The following HIVEP2 variants were observed in gnomAD, a reference collection of about 807,000 sequenced individuals.
HIVEP2 encodes HIVEP zinc finger 2, also known as transcription factor HIVEP2.
In HIVEP2, 14 loss-of-function variants were observed where a neutral mutation model predicts 180.7. That is an observed-to-expected ratio of 0.08 (90% CI 0.05 to 0.12). HIVEP2 has a LOEUF of 0.12. HIVEP2 is among the 10% of genes least tolerant of loss of function. HIVEP2 has a pLI of 1.00. For missense variants in HIVEP2, 2,579 were observed against 3,008.5 expected, an observed-to-expected ratio of 0.86 and a Z score of 3.34; for synonymous variants, 1,184 against 1,136.4, an observed-to-expected ratio of 1.04 and a Z score of -0.84.
intron 1 of HIVEP2, among the ~76,000 whole-genome samples, chr6:142,884,785 A>C (rs1378618345): frequency 6.6e-6 from 1 of 152,186 alleles, no homozygotes; most frequent in Non-Finnish European, 1.5e-5. Flanking sequence ...CACTACATCC[A>C]GTTCAGGAAC....
Position 142,773,859 on chromosome 6 carries a change from T to G in HIVEP2, c.880A>C (p.Lys294Gln), listed in dbSNP as rs1426985672. 1 of 1,613,662 alleles carries G rather than the reference T, an allele frequency of 6.2e-7. No individual in the cohort carries two copies. The highest frequency in any genetic ancestry group is 1.7e-5 in the Admixed American group (1 of 60,020). ...ESSLFAEASD[K>Q]MSPGPPIPLD... ...GGGATGGGTGGACCAGGACTCATTT[T>G]GTCAGAAGCCTCGGCAAATAAAGAA... is the stretch of plus-strand genomic sequence containing the variant. Residue 294 changes from lysine (K) to glutamine (Q), a missense_variant, in exon 5 of 10, where the codon AAA becomes CAA. Physicochemically the swap from Lys to Gln is moderately conservative, Grantham distance 53. Around this residue, in one of 11 missense-constraint regions of HIVEP2, gnomAD observed 142 missense variants for 135.2 expected, o/e 1.05. Coordinates refer to ENST00000367603, the MANE Select transcript of HIVEP2 (RefSeq NM_006734.4).
intron 5 of HIVEP2, 41 bp downstream of exon 5, chr6:142,769,511 A>C: frequency 3.2e-6 from 5 of 1,551,780 alleles, no homozygotes; most frequent in Non-Finnish European, 4.4e-6. Flanking sequence ...TCAGCAATCA[A>C]ATCCACAATA....
At chr6:142,841,539 G>A (rs1209962387) in intron 1 of HIVEP2, among the ~76,000 whole-genome samples, 4 of 151,924 alleles carry the variant, frequency 2.6e-5, no homozygotes, top group African/African-American at 7.2e-5. Context: ...TTTTTCAAAT[G>A]TTCATCGATA....
chr6:142,788,176 T>C (rs1034766693), intron 2 of HIVEP2: 1 of 152,238 alleles, frequency 6.6e-6, no homozygotes, highest in Non-Finnish European at 1.5e-5. Flanking sequence ...TATTCTATGA[T>C]ACTTTAAGAC....
chr6:142,825,222 T>G (rs1197919845), intron 2 of HIVEP2, among the ~76,000 whole-genome samples: 1 of 152,112 alleles, frequency 6.6e-6, no homozygotes, highest in Non-Finnish European at 1.5e-5. Context: ...TATGGGGTCT[T>G]GATTTTCATG....
intron 6 of HIVEP2, 146 bp downstream of exon 6, chr6:142,768,236 C>T (rs745646898): frequency 8.5e-5 from 58 of 681,376 alleles, no homozygotes; most frequent in Non-Finnish European, 1.2e-4. Context: ...TGATCTATTA[C>T]CAGCCAGAGT....
At chr6:142,913,170 CA>C (rs1777458409) in intron 1 of HIVEP2, among the ~76,000 whole-genome samples, 1 of 152,182 alleles carries the variant, frequency 6.6e-6, no homozygotes. Flanking sequence ...ATGAGCTTGT[CA>C]AAAAGTTGTA....
Position 142,753,236 on chromosome 6 carries a change from T to C in HIVEP2, c.7212A>G (p.Leu2404=), listed in dbSNP as rs898805472. ...TCTTGCTGTAAAACGTGGAGTGAGC[T>C]AATGGAGTCTGTGATGTACCAAAAT... ...KDNFGTSQTP[L]AHSTFYSKSC... Residue 2404 remains leucine, a synonymous_variant, in exon 10 of 10, where the codon TTA becomes TTG. Transcript: ENST00000367603. 3.1e-6 allele frequency: 5 copies of C among 1,614,076 alleles called. No homozygotes were observed. In the African/African-American group the frequency reaches 5.3e-5, roughly 17 times the overall value.
At chr6:142,756,271 G>A (rs1775066478) in intron 9 of HIVEP2, among the ~76,000 whole-genome samples, 1 of 152,158 alleles carries the variant, frequency 6.6e-6, no homozygotes, top group African/African-American at 2.4e-5. Flanking sequence ...CTCCTTGGGG[G>A]CAGCAGGGAG....
At chr6:142,762,022 C>G (rs1026551404) in intron 7 of HIVEP2, among the ~76,000 whole-genome samples, 2 of 152,174 alleles carry the variant, frequency 1.3e-5, no homozygotes, top group Admixed American at 1.3e-4. Flanking sequence ...TGTGACTGAT[C>G]AGGTACAGAG....
Position 142,770,021 on chromosome 6 carries a change from T to C in HIVEP2, c.4718A>G (p.Glu1573Gly). 1 of 1,614,152 alleles carries C rather than the reference T, an allele frequency of 6.2e-7. No individual in the cohort carries two copies. Among genetic ancestry groups the C allele is most frequent in the Non-Finnish European group, 8.5e-7 (1 of 1,180,034 alleles). ...GCTCATGCTCATGTCCGATGCCGTC[T>C]CATCGATATCTAATTCATCTGAAGA... ...KESSDELDID[E>G]TASDMSMSPQ... Residue 1573 changes from glutamate (E) to glycine (G), a missense_variant, in exon 5 of 10, where the codon GAG becomes GGG. Physicochemically the swap from Glu to Gly is moderately conservative, Grantham distance 98 (BLOSUM62 -2). Coordinates refer to ENST00000367603, the MANE Select transcript of HIVEP2 (RefSeq NM_006734.4). This position sits in a 1 kb window ranked among gnomAD's most constrained non-coding sequence, Gnocchi z 4.7.
chr6:142,893,286 T>A (rs1776906243), intron 1 of HIVEP2, among the ~76,000 whole-genome samples: 1 of 152,188 alleles, frequency 6.6e-6, no homozygotes, highest in Admixed American at 6.5e-5. Context: ...TCATCATATG[T>A]GTAATATATT....
chr6:142,939,317 C>T (rs1562299091), intron 1 of HIVEP2, among the ~76,000 whole-genome samples: 1 of 151,080 alleles, frequency 6.6e-6, no homozygotes, highest in Admixed American at 6.6e-5. Flanking sequence ...ATCTAACTGT[C>T]TCCTTGCCAC....
chr6:142,929,372 T>A (rs1478630349), intron 1 of HIVEP2, among the ~76,000 whole-genome samples: 1 of 152,110 alleles, frequency 6.6e-6, no homozygotes, highest in Non-Finnish European at 1.5e-5. Flanking sequence ...TACCATAAAT[T>A]TAGTATAGAC....
chr6:142,851,581 C>T (rs977556995), intron 1 of HIVEP2, among the ~76,000 whole-genome samples: 2 of 152,202 alleles, frequency 1.3e-5, no homozygotes, highest in African/African-American at 2.4e-5. Flanking sequence ...CTTGAGGCCC[C>T]GAAAGGCTCA....
At position 142,774,594 on chromosome 6, in the gene HIVEP2, G is replaced by A. The variant is rs1343318941; in HGVS notation, c.145C>T (p.Gln49Ter). Residue 49 changes from glutamine to a stop codon, truncating the protein, a stop_gained, in exon 5 of 10, where the codon CAA (glutamine) becomes TAA (stop). Transcript: ENST00000367603. LOFTEE classifies it high-confidence loss of function. The surrounding 1 kb of genome is among the most constrained non-coding windows in gnomAD (Gnocchi z 5.1). ...TTTCCGATTTGCTCAGGCTCTATTTGTGGTTGCCGCTGTCCTTCATGACTG... is the reference window on the plus strand; with the variant it reads ...TTTCCGATTTGCTCAGGCTCTATTTATGGTTGCCGCTGTCCTTCATGACTG... ...FGSHEGQRQPQIEPEQIGNTA... is the reference protein window; with the variant it reads ...FGSHEGQRQP 1 of 1,614,216 alleles carries A rather than the reference G, an allele frequency of 6.2e-7. No individual in the cohort carries two copies. Among genetic ancestry groups the A allele is most frequent in the Non-Finnish European group, 8.5e-7 (1 of 1,180,046 alleles).
chr6:142,759,333 A>C (rs1368759843), intron 9 of HIVEP2, among the ~76,000 whole-genome samples: 1 of 152,190 alleles, frequency 6.6e-6, no homozygotes, highest in Non-Finnish European at 1.5e-5. Flanking sequence ...AAATTTTAAA[A>C]ATAAAAGTTT....
chr6:142,887,316 A>C (rs1776725957), intron 1 of HIVEP2, among the ~76,000 whole-genome samples: 1 of 152,208 alleles, frequency 6.6e-6, no homozygotes, highest in Non-Finnish European at 1.5e-5. Flanking sequence ...CCAAAGAAGA[A>C]AGAATGTATT....
intron 1 of HIVEP2, among the ~76,000 whole-genome samples, chr6:142,839,803 C>T (rs1158466020): frequency 1.3e-5 from 2 of 152,070 alleles, no homozygotes; most frequent in Non-Finnish European, 1.5e-5. Flanking sequence ...ACCTAAATAA[C>T]TCTTTTAATA....
Sources: allele counts gnomAD v4.1 joint callset (sites outside exome capture counted in the v4.1 genomes callset), GRCh38; gene constraint gnomAD v4.1.1; regional missense constraint gnomAD v4.1.1; non-coding constraint Gnocchi (gnomAD v3.1); transcripts MANE v1.5; gene names NCBI Gene and HGNC (gene_info 2026-07-23, HGNC 2026-07-21).